EZH2: variants seen among roughly 807,000 people sequenced by gnomAD.
EZH2 encodes histone-lysine N-methyltransferase EZH2.
In EZH2, 18 loss-of-function variants were observed where a neutral mutation model predicts 98.4. The ratio of observed to expected loss-of-function variants is 0.18; its 90% CI spans 0.13 to 0.27. EZH2 has a LOEUF of 0.27. Ranked by LOEUF, EZH2 falls within the 10% of genes least tolerant of loss-of-function variation. EZH2 has a pLI of 1.00. For missense variants in EZH2, 470 were observed against 935.1 expected, an observed-to-expected ratio of 0.50 and a Z score of 6.49; for synonymous variants, 338 against 312.3, an observed-to-expected ratio of 1.08 and a Z score of -0.87.
intron 2 of EZH2, 119 bp from the exon 3 acceptor site, chr7:148,846,717 T>A: frequency 1.2e-6 from 1 of 843,768 alleles, no homozygotes; most frequent in Non-Finnish European, 1.8e-6. Context: ...AACATTTTCT[T>A]AGGTGCATAT....
At chr7:148,817,438 T>C (rs966308005) in intron 10 of EZH2, 47 bp from the exon 11 acceptor site, 1 of 1,576,148 alleles carries the variant, frequency 6.3e-7, no homozygotes, top group African/African-American at 1.4e-5. Flanking sequence ...TTGGAAATAA[T>C]ATTAAGAAGT....
intron 17 of EZH2, 113 bp downstream of exon 17, chr7:148,810,220 G>A (rs1802652019): frequency 1.4e-6 from 1 of 695,948 alleles, no homozygotes; most frequent in Non-Finnish European, 2.6e-6. Flanking sequence ...CCTCTAAGGA[G>A]ATCCTCCTTC....
In EZH2 at chr7:148,826,418, A is replaced by G. The variant is rs576595791; in HGVS notation, c.907+36T>C. 2.3e-5 allele frequency: 34 copies of G among 1,494,002 alleles called. No homozygotes were observed. In the South Asian group the frequency reaches 4.4e-4, roughly 19 times the overall value. 92.5% of individuals were successfully genotyped at this position (1,494,002 alleles called of 1,614,324 possible). A position where few individuals can be genotyped will look rare whatever the true frequency, so the allele number is the denominator to read the frequency against. On this transcript the variant is annotated intron_variant, in intron 8 of 19. Coordinates refer to ENST00000320356, the MANE Select transcript of EZH2 (RefSeq NM_004456.5). ...AGCACTCTCCAAGCTGCTTTAAAACATAATTCCACAACAAAGATAGAAAAT... is the reference window on the plus strand; with the variant it reads ...AGCACTCTCCAAGCTGCTTTAAAACGTAATTCCACAACAAAGATAGAAAAT...
At chr7:148,881,963 C>T (rs2129495888) in intron 1 of EZH2, among the ~76,000 whole-genome samples, 1 of 56,594 alleles carries the variant, frequency 1.8e-5, no homozygotes, top group South Asian at 7.4e-4. Flanking sequence ...CACACACACA[C>T]ACGCGCGCGC....
At chr7:148,856,846 A>G (rs1816904642) in intron 1 of EZH2, among the ~76,000 whole-genome samples, 1 of 152,150 alleles carries the variant, frequency 6.6e-6, no homozygotes, top group African/African-American at 2.4e-5. Context: ...AGAAGGAACA[A>G]CTCTCCTGAC....
At chr7:148,858,000 A>C (rs1817090184) in intron 1 of EZH2, among the ~76,000 whole-genome samples, 2 of 151,664 alleles carry the variant, frequency 1.3e-5, no homozygotes, top group African/African-American at 2.4e-5. Flanking sequence ...TTAAAAAAAA[A>C]AACAGGTAGT....
chr7:148,810,577 A>T (rs1298554915), intron 16 of EZH2, among the ~76,000 whole-genome samples, 163 bp from the exon 17 acceptor site: 1 of 152,228 alleles, frequency 6.6e-6, no homozygotes, highest in African/African-American at 2.4e-5. Flanking sequence ...CGCAGTAATA[A>T]AGAATAACTG....
At chr7:148,849,307 G>A (rs1815060098) in intron 1 of EZH2, among the ~76,000 whole-genome samples, 1 of 152,096 alleles carries the variant, frequency 6.6e-6, no homozygotes, top group South Asian at 2.1e-4. Flanking sequence ...GATTTCAAAA[G>A]GCAAAGAAAG....
intron 7 of EZH2, among the ~76,000 whole-genome samples, 162 bp from the exon 8 acceptor site, chr7:148,826,794 G>C (rs1807833631): frequency 1.3e-5 from 2 of 152,158 alleles, no homozygotes; most frequent in Non-Finnish European, 2.9e-5. Context: ...ATTGTGCATG[G>C]TGTTATCAAG....
intron 15 of EZH2, chr7:148,811,966 T>A: frequency 2.2e-6 from 1 of 461,118 alleles, no homozygotes; most frequent in Non-Finnish European, 4.0e-6. Flanking sequence ...GTGGTGTTGG[T>A]CCTCTGCAAT....
intron 15 of EZH2, among the ~76,000 whole-genome samples, chr7:148,813,669 T>TTA (rs1803799775): frequency 6.6e-6 from 1 of 151,922 alleles, no homozygotes; most frequent in African/African-American, 2.4e-5. Flanking sequence ...AAATAATCTA[T>TTA]TAAACAGGTA....
chr7:148,808,011 A>G (rs1801970888), intron 19 of EZH2, among the ~76,000 whole-genome samples: 1 of 152,212 alleles, frequency 6.6e-6, no homozygotes, highest in Admixed American at 6.5e-5. Flanking sequence ...AAGTGGTCCC[A>G]GGAAGGCTGG....
intron 1 of EZH2, among the ~76,000 whole-genome samples, chr7:148,860,643 A>G (rs1478444690): frequency 6.6e-6 from 1 of 152,222 alleles, no homozygotes; most frequent in Non-Finnish European, 1.5e-5. Context: ...ATAGAAATGA[A>G]AAACTAAAGA....
At chr7:148,865,450 A>G (rs769417014) in intron 1 of EZH2, among the ~76,000 whole-genome samples, 2 of 152,228 alleles carry the variant, frequency 1.3e-5, no homozygotes, top group Non-Finnish European at 2.9e-5. Flanking sequence ...CTAAGTGAGC[A>G]AGAGACAGGT....
At chr7:148,875,643 A>G (rs566249647) in intron 1 of EZH2, among the ~76,000 whole-genome samples, 1 of 152,266 alleles carries the variant, frequency 6.6e-6, no homozygotes, top group East Asian at 1.9e-4. Context: ...CTGCACAGTT[A>G]CAACTGTAAC....
chr7:148,825,383 AATG>A (rs1360507497), intron 8 of EZH2, among the ~76,000 whole-genome samples: 20 of 152,190 alleles, frequency 1.3e-4, no homozygotes, highest in Admixed American at 1.3e-3. Flanking sequence ...GTAACAATAT[AATG>A]ATAATTCTAA....
chr7:148,850,089 G>A (rs911684113), intron 1 of EZH2, among the ~76,000 whole-genome samples: 1 of 151,962 alleles, frequency 6.6e-6, no homozygotes, highest in African/African-American at 2.4e-5. Flanking sequence ...TGCAATCTCC[G>A]CTCACTGCAA....
intron 1 of EZH2, among the ~76,000 whole-genome samples, chr7:148,862,930 T>TTTTTTA (rs1563057916): frequency 2.6e-5 from 4 of 151,416 alleles, no homozygotes; most frequent in Admixed American, 6.6e-5. Flanking sequence ...TTTGTTTTTT[T>TTTTTTA]AAAAAAAAGC....
chr7:148,816,974 AAATTT>A (rs1377146332), intron 11 of EZH2, 196 bp from the exon 12 acceptor site: 8 of 596,500 alleles, frequency 1.3e-5, no homozygotes, highest in Non-Finnish European at 2.3e-5. Context: ...CTGTGATGCT[AAATTT>A]CAATTCTTAC....
Sources: allele counts gnomAD v4.1 joint callset (sites outside exome capture counted in the v4.1 genomes callset), GRCh38; gene constraint gnomAD v4.1.1; transcripts MANE v1.5; gene names NCBI Gene and HGNC (gene_info 2026-07-23, HGNC 2026-07-21).